The following SPANXN3 variants were observed in gnomAD, a reference collection of about 807,000 sequenced individuals.
SPANXN3 encodes the protein sperm protein associated with the nucleus on the X chromosome N3.
In SPANXN3, 1 loss-of-function variant was observed where a neutral mutation model predicts 1.9. The ratio of observed to expected loss-of-function variants is 0.54; its 90% CI spans 0.19 to 2.54. The LOEUF (loss-of-function observed/expected upper bound fraction) is 2.54, where lower values mean the gene tolerates loss of function less well. Among genes scored for constraint, SPANXN3 ranks in the 30% most tolerant of loss-of-function variants. The probability of loss-of-function intolerance (pLI) is 0.24; values close to 1 mark genes in which losing one functional copy is unlikely to be tolerated. For missense variants in SPANXN3, 113 were observed against 96.2 expected (o/e 1.17, Z -0.73); for synonymous variants, 47 against 40.0 (o/e 1.17, Z -0.66).
intron 1 of SPANXN3, 77 bp from the exon 2 acceptor site, chrX:143,509,239 T>C (rs1929035205): frequency 2.3e-6 from 2 of 855,416 alleles, no homozygotes; most frequent in Admixed American, 5.5e-5. Context: ...CAAGGGGGGC[T>C]TTATGAGAAG....
In SPANXN3 at chrX:143,508,769, G is replaced by T. The variant is rs372436991; in HGVS notation, c.*46C>A. On this transcript the variant is annotated 3_prime_UTR_variant, in exon 2 of 2. Coordinates refer to ENST00000370503, the MANE Select transcript of SPANXN3 (RefSeq NM_001009609.4). ...TAAACTTGATTTTATTGTAATCATC[G>T]CCATCAGTGGTGATGATTTGTCCAA... 82 of 1,007,328 alleles carry T rather than the reference G, an allele frequency of 8.1e-5. No homozygotes were observed. The East Asian group carries it at 2.0e-3, about 25-fold the overall frequency. The allele number at this position is 1,007,328 out of a possible 1,213,427, so 83.0% of individuals were successfully genotyped here.
At chrX:143,513,513 C>T (rs1363119442) in intron 1 of SPANXN3, among the ~76,000 whole-genome samples, 1 of 111,880 alleles carries the variant, frequency 8.9e-6, no homozygotes, top group Non-Finnish European at 1.9e-5. Context: ...ATTACTATTG[C>T]ATCTTCCCAT....
chrX:143,516,750 C>T (rs1485166201), intron 1 of SPANXN3: 1 of 115,646 alleles, frequency 8.6e-6, no homozygotes, highest in Non-Finnish European at 1.8e-5. Flanking sequence ...AAGTCCAACA[C>T]CCACTGCTTC....
rs370785290 is a variant in SPANXN3, at chrX:143,509,110, G to A, written c.131C>T (p.Thr44Ile). 1.5e-4 allele frequency: 185 copies of A among 1,209,703 alleles called. 1 individual carries two copies. Among genetic ancestry groups the A allele is most frequent in the Middle Eastern group, 1.4e-3 (6 of 4,365 alleles). Residue 44 changes from threonine to isoleucine, a missense_variant, in exon 2 of 2, where the codon ACA becomes ATA. By Grantham distance (89) the Thr-to-Ile change is moderately conservative. Transcript: ENST00000370503. The part of the protein sequence containing the change: ...VLAPEQSLKN[T>I]KTSEYPIIFV... ...TATTATTGGATATTCTGATGTTTTT[G>A]TGTTCTTCAAACTCTGTTCGGGGGC...
intron 1 of SPANXN3, among the ~76,000 whole-genome samples, chrX:143,510,845 C>T (rs782767883): frequency 1.8e-5 from 2 of 109,924 alleles, no homozygotes; most frequent in Non-Finnish European, 3.8e-5. Context: ...CCTCCACCCC[C>T]TTACTGTCAC....
intron 1 of SPANXN3, among the ~76,000 whole-genome samples, chrX:143,512,604 AATCTACT>A (rs1556411910): frequency 9.0e-6 from 1 of 110,962 alleles, no homozygotes; most frequent in African/African-American, 3.3e-5. Flanking sequence ...CATATTCCTA[AATCTACT>A]ACACACTCCT....
chrX:143,511,607 T>C (rs1260214835), intron 1 of SPANXN3, among the ~76,000 whole-genome samples: 13 of 111,236 alleles, frequency 1.2e-4, no homozygotes, highest in Non-Finnish European at 1.9e-5. Context: ...AGGCTAAATA[T>C]CAAATGCTGA....
Position 143,508,956 on chromosome X carries a change from A to G in SPANXN3, c.285T>C (p.Ser95=), listed in dbSNP as rs782330403. ...EDEGVDLSEG[S]SNEDEDLGPC... The stretch of plus-strand genomic sequence containing the variant: ...GGCCTAGGTCTTCATCCTCATTTGA[A>G]GATCCTTCAGATAAGTCTACGCCTT... Residue 95 remains serine (S), a synonymous_variant, in exon 2 of 2, where the codon TCT becomes TCC. Transcript: ENST00000370503. 12 of 1,211,849 alleles carry G rather than the reference A, an allele frequency of 9.9e-6. No individual in the cohort carries two copies. Among genetic ancestry groups the G allele is most frequent in the Middle Eastern group, 2.3e-4 (1 of 4,352 alleles).
Position 143,509,309 on chromosome X carries a change from G to T in SPANXN3, c.79-147C>A, listed in dbSNP as rs181216076. On this transcript the variant is annotated intron_variant, in intron 1 of 1. Transcript: ENST00000370503. ...AGAACAAGGTGAAATCATAGGGTAG[G>T]TATCTATGCAGAAGAAGAAGAGGAG... The T allele has an allele frequency of 2.9e-3, 1,413 of 494,769 alleles. 11 individuals carry two copies. Among genetic ancestry groups the T allele is most frequent in the African/African-American group, 0.025 (1,046 of 41,328 alleles). The allele number at this position is 494,769 out of a possible 1,213,427, so 40.8% of individuals were successfully genotyped here.
chrX:143,510,134 C>T (rs1432634505), intron 1 of SPANXN3: 2 of 111,557 alleles, frequency 1.8e-5, no homozygotes, highest in Non-Finnish European at 3.8e-5. Flanking sequence ...CAAGCAGCTG[C>T]AACCAGGATC....
chrX:143,513,732 TCCAA>T (rs1194519238), intron 1 of SPANXN3, among the ~76,000 whole-genome samples: 4 of 111,784 alleles, frequency 3.6e-5, no homozygotes, highest in African/African-American at 6.5e-5. Context: ...TCCTCCTCCT[TCCAA>T]CACATTTCAC....
Position 143,517,422 on chromosome X carries a change from A to C in SPANXN3, c.-31T>G. 2.5e-6 allele frequency: 3 copies of C among 1,193,339 alleles called. No individual in the cohort carries two copies. Among genetic ancestry groups the C allele is most frequent in the Non-Finnish European group, 3.4e-6 (3 of 879,416 alleles). ...TGGTTGGTTGTAGAATGTCTATAGT[A>C]GGCTCCTGTAGACTGCAGACTTCCA... On this transcript the variant is annotated 5_prime_UTR_variant, in exon 1 of 2. Coordinates refer to ENST00000370503, the MANE Select transcript of SPANXN3 (RefSeq NM_001009609.4).
At chrX:143,512,698 G>A (rs781878413) in intron 1 of SPANXN3, among the ~76,000 whole-genome samples, 2 of 111,420 alleles carry the variant, frequency 1.8e-5, no homozygotes, top group Non-Finnish European at 3.8e-5. Context: ...CTTTAACTTG[G>A]TCAAGTCCTA....
At chrX:143,510,540 C>T (rs1301156134) in intron 1 of SPANXN3, among the ~76,000 whole-genome samples, 2 of 111,566 alleles carry the variant, frequency 1.8e-5, no homozygotes, top group Non-Finnish European at 3.8e-5. Flanking sequence ...AGAGTATTCA[C>T]TCCCCTCTTC....
In SPANXN3 at chrX:143,508,742, C is replaced by T; in HGVS notation, c.*73G>A. The stretch of plus-strand genomic sequence containing the variant: ...CAGAGATAAACACAGTCATCAGCTC[C>T]TTAAACTTGATTTTATTGTAATCAT... On this transcript the variant is annotated 3_prime_UTR_variant, in exon 2 of 2. Coordinates refer to ENST00000370503, the MANE Select transcript of SPANXN3 (RefSeq NM_001009609.4). 1.1e-6 allele frequency: 1 copy of T among 951,912 alleles called. No homozygotes were observed. The highest frequency in any genetic ancestry group is 1.5e-6 in the Non-Finnish European group (1 of 679,097). 78.4% of individuals were successfully genotyped at this position (951,912 alleles called of 1,213,427 possible).
chrX:143,511,554 A>G (rs1365929596), intron 1 of SPANXN3, among the ~76,000 whole-genome samples: 5 of 111,468 alleles, frequency 4.5e-5, no homozygotes, highest in Non-Finnish European at 9.4e-5. Context: ...GGTCTATAAG[A>G]TTAGAGAGGA....
intron 1 of SPANXN3, among the ~76,000 whole-genome samples, chrX:143,515,183 C>T (rs1395840712): frequency 1.8e-5 from 2 of 110,770 alleles, no homozygotes; most frequent in African/African-American, 3.3e-5. Flanking sequence ...CCAACCTAAG[C>T]GGAAATGTTC....
intron 1 of SPANXN3, 46 bp downstream of exon 1, chrX:143,517,268 G>T (rs1929241235): frequency 2.5e-6 from 3 of 1,183,744 alleles, no homozygotes; most frequent in Non-Finnish European, 3.4e-6. Flanking sequence ...CTCTCTGTGT[G>T]TCTTTCTTTC....
chrX:143,510,716 C>A (rs782299360), intron 1 of SPANXN3, among the ~76,000 whole-genome samples: 1 of 110,787 alleles, frequency 9.0e-6, no homozygotes, highest in African/African-American at 3.3e-5. Context: ...GAGAAACCCC[C>A]CAAAATGCCT....
Sources: gnomAD v4.1 joint callset for allele counts (sites outside exome capture counted in the v4.1 genomes callset) on GRCh38, gnomAD v4.1.1 for gene constraint, MANE v1.5 for transcripts, NCBI Gene and HGNC (gene_info 2026-07-23, HGNC 2026-07-21) for gene names.